NLGN1: variants seen among roughly 807,000 people sequenced by gnomAD.
NLGN1 encodes neuroligin-1.
In NLGN1, 12 loss-of-function variants were observed where a neutral mutation model predicts 65.5. That is an observed-to-expected ratio of 0.18 (90% CI 0.12 to 0.30). The LOEUF (loss-of-function observed/expected upper bound fraction) is 0.30, where lower values mean the gene tolerates loss of function less well. Among genes scored for constraint, NLGN1 ranks in the 10% least tolerant of loss-of-function variants. NLGN1 has a pLI of 1.00. For synonymous variants in NLGN1, 350 were observed against 359.5 expected, an observed-to-expected ratio of 0.97 and a Z score of 0.30; for missense variants, 750 against 1,007.1, an observed-to-expected ratio of 0.74 and a Z score of 3.46.
chr3:173,870,454 G>T (rs1451301469), intron 4 of NLGN1, among the ~76,000 whole-genome samples: 2 of 152,146 alleles, frequency 1.3e-5, no homozygotes, highest in East Asian at 3.9e-4. Context: ...GGGCCTGGAA[G>T]CTGGTTTTAG....
At chr3:173,827,191 C>T (rs1288151731) in intron 4 of NLGN1, among the ~76,000 whole-genome samples, 1 of 151,998 alleles carries the variant, frequency 6.6e-6, no homozygotes, top group Non-Finnish European at 1.5e-5. Flanking sequence ...CTTTAGAAGA[C>T]AGGCCAGTGG....
intron 4 of NLGN1, among the ~76,000 whole-genome samples, chr3:174,237,445 C>A (rs1300662782): frequency 6.6e-6 from 1 of 152,216 alleles, no homozygotes; most frequent in Non-Finnish European, 1.5e-5. Context: ...ATCATTCAGT[C>A]AGCTGCAATT....
intron 3 of NLGN1, among the ~76,000 whole-genome samples, chr3:173,633,475 T>C (rs1321855638): frequency 6.6e-6 from 1 of 152,176 alleles, no homozygotes; most frequent in East Asian, 1.9e-4. Context: ...AAGGTAAGTG[T>C]TTACAACTGA....
At chr3:173,460,112 T>C (rs1245165365) in intron 2 of NLGN1, among the ~76,000 whole-genome samples, 1 of 152,124 alleles carries the variant, frequency 6.6e-6, no homozygotes, top group Non-Finnish European at 1.5e-5. Context: ...GGCCTGGTAC[T>C]GTGTTAATAA....
In NLGN1 at chr3:173,819,859, G is replaced by C. The variant is rs1719867838; in HGVS notation, c.646+12027G>C. Among the ~76,000 whole-genome samples the C allele has an allele frequency of 1.3e-5, 2 of 152,184 alleles. 1 individual carries two copies. The highest frequency in any genetic ancestry group is 4.1e-4 in the South Asian group (2 of 4,830). Reference sequence around the variant, plus strand: ...ATGAATTCACTGTGTGCCCTTCTCAGGATATGCATTTCTAGGAATACAGAG... The same window carrying C: ...ATGAATTCACTGTGTGCCCTTCTCACGATATGCATTTCTAGGAATACAGAG... On this transcript the variant is annotated intron_variant, in intron 4 of 6. Transcript: ENST00000457714.
At chr3:173,820,623 AAAT>A (rs909933818) in intron 4 of NLGN1, among the ~76,000 whole-genome samples, 36 of 152,290 alleles carry the variant, frequency 2.4e-4, no homozygotes, top group African/African-American at 5.8e-4. Context: ...TTATTAACAA[AAAT>A]AATAATAAAA....
At chr3:173,701,510 A>G (rs1767163273) in intron 3 of NLGN1, among the ~76,000 whole-genome samples, 2 of 152,210 alleles carry the variant, frequency 1.3e-5, no homozygotes, top group Non-Finnish European at 2.9e-5. Flanking sequence ...TAGCCCTGCA[A>G]TACTTTGATT....
intron 3 of NLGN1, among the ~76,000 whole-genome samples, chr3:173,693,053 G>T (rs1765697719): frequency 6.6e-6 from 1 of 152,088 alleles, no homozygotes; most frequent in Non-Finnish European, 1.5e-5. Context: ...ATTACCTCAA[G>T]AGTACACTAC....
chr3:173,774,509 C>T (rs192325335), intron 3 of NLGN1, among the ~76,000 whole-genome samples: 2 of 152,130 alleles, frequency 1.3e-5, no homozygotes, highest in African/African-American at 4.8e-5. Flanking sequence ...GGAGAATATG[C>T]AGAGGATTCC....
chr3:174,254,928 C>T (rs1489628131), intron 4 of NLGN1, among the ~76,000 whole-genome samples: 1 of 152,024 alleles, frequency 6.6e-6, no homozygotes, highest in East Asian at 1.9e-4. Flanking sequence ...TACTTTTTTT[C>T]CAGAATCAAA....
At chr3:173,416,764 T>C (rs1209598596) in intron 1 of NLGN1, among the ~76,000 whole-genome samples, 1 of 152,154 alleles carries the variant, frequency 6.6e-6, no homozygotes, top group Non-Finnish European at 1.5e-5. Flanking sequence ...GAATTTGATA[T>C]GATTAAATGG....
exon 3 of NLGN1, chr3:173,604,916 T>G: frequency 6.2e-7 from 1 of 1,613,742 alleles, no homozygotes; most frequent in South Asian, 1.1e-5. Context: ...CCTGGTCAGA[T>G]ATCAGAAATG....
chr3:174,094,970 G>A (rs1362314634), intron 4 of NLGN1, among the ~76,000 whole-genome samples: 2 of 151,982 alleles, frequency 1.3e-5, no homozygotes, highest in Non-Finnish European at 2.9e-5. Flanking sequence ...TGTCTGTCTT[G>A]GAAAGGCCAA....
At chr3:174,228,529 G>A (rs1740127476) in intron 4 of NLGN1, among the ~76,000 whole-genome samples, 3 of 152,054 alleles carry the variant, frequency 2.0e-5, no homozygotes. Flanking sequence ...AGTGTAGAGG[G>A]TCATAAAATA....
chr3:174,039,430 C>A (rs6807609), intron 4 of NLGN1, among the ~76,000 whole-genome samples: 3,413 of 151,996 alleles, frequency 0.022, 100 homozygotes, highest in African/African-American at 0.064. Context: ...CCTTGCCCCC[C>A]ATCCTCCGAC....
At chr3:173,779,855 G>A (rs1780862349) in intron 3 of NLGN1, among the ~76,000 whole-genome samples, 1 of 152,020 alleles carries the variant, frequency 6.6e-6, no homozygotes, top group South Asian at 2.1e-4. Context: ...AATAAAAAAT[G>A]TTTTACTAGT....
chr3:173,883,578 T>TA (rs919477265), intron 4 of NLGN1, among the ~76,000 whole-genome samples: 3 of 152,098 alleles, frequency 2.0e-5, no homozygotes, highest in Non-Finnish European at 2.9e-5. Flanking sequence ...TCAGTTTATA[T>TA]AAAAAAATAA....
intron 4 of NLGN1, among the ~76,000 whole-genome samples, chr3:173,880,874 T>C (rs73182684): frequency 2.4e-4 from 36 of 152,306 alleles, no homozygotes; most frequent in Non-Finnish European, 4.9e-4. Context: ...TCTTTCCAAA[T>C]TGAAGTCAAT....
intron 4 of NLGN1, among the ~76,000 whole-genome samples, chr3:173,861,005 G>A (rs1221806636): frequency 6.6e-6 from 1 of 152,052 alleles, no homozygotes; most frequent in Non-Finnish European, 1.5e-5. Context: ...AAATCTTTTA[G>A]TGAGAAAAGT....
Sources: gnomAD v4.1 joint callset for allele counts (sites outside exome capture counted in the v4.1 genomes callset) on GRCh38, gnomAD v4.1.1 for gene constraint, MANE v1.5 for transcripts, NCBI Gene and HGNC (gene_info 2026-07-23, HGNC 2026-07-21) for gene names.